The following ZFHX4 variants were observed in gnomAD, a reference collection of about 807,000 sequenced individuals.
ZFHX4 encodes the protein zinc finger homeobox 4, also known as zinc finger homeobox protein 4.
Under a neutral mutation model 267.6 loss-of-function variants are expected in ZFHX4, and 56 were observed. The observed-to-expected ratio is 0.21, with a 90% CI of 0.17 to 0.26. ZFHX4 has a LOEUF of 0.26. Ranked by LOEUF, ZFHX4 falls within the 10% of genes least tolerant of loss-of-function variation. The pLI, the probability that ZFHX4 is intolerant of heterozygous loss-of-function variation, is 1.00. For missense variants in ZFHX4, 4,332 were observed against 4,420.0 expected, an observed-to-expected ratio of 0.98 and a Z score of 0.56; for synonymous variants, 1,778 against 1,665.6, an observed-to-expected ratio of 1.07 and a Z score of -1.64.
At chr8:76,850,166 T>G in intron 8 of ZFHX4, 79 bp from the exon 9 acceptor site, 1 of 1,158,428 alleles carries the variant, frequency 8.6e-7, no homozygotes, top group Non-Finnish European at 1.2e-6. Flanking sequence ...AAGTGGGATA[T>G]GCTACCAGCA....
At chr8:76,822,635 G>T (rs573430872) in intron 4 of ZFHX4, among the ~76,000 whole-genome samples, 1 of 151,590 alleles carries the variant, frequency 6.6e-6, no homozygotes, top group Non-Finnish European at 1.5e-5. Context: ...TAGAGATGGG[G>T]TCTTACTGTC....
intron 1 of ZFHX4, among the ~76,000 whole-genome samples, chr8:76,699,547 C>A (rs913919288): frequency 6.6e-6 from 1 of 152,022 alleles, no homozygotes; most frequent in Admixed American, 6.6e-5. Context: ...TATTTACCTG[C>A]GTTATGATAT....
At chr8:76,743,793 C>T (rs1226587381) in intron 3 of ZFHX4, among the ~76,000 whole-genome samples, 3 of 152,174 alleles carry the variant, frequency 2.0e-5, no homozygotes, top group African/African-American at 7.2e-5. Context: ...AGTCTAGAGA[C>T]TCTTAATATT....
chr8:76,704,300 C>T lies in ZFHX4; in HGVS notation c.212C>T (p.Ala71Val). The change falls in exon 2 of 11, where the codon GCC becomes GTC. Residue 71 changes from alanine to valine, a missense_variant. By Grantham distance (64) the Ala-to-Val change is moderately conservative (BLOSUM62 0). Around this residue, in one of 7 missense-constraint regions of ZFHX4, gnomAD observed 1,195 missense variants for 1,173.6 expected, o/e 1.02. Coordinates refer to ENST00000651372, the MANE Select transcript of ZFHX4 (RefSeq NM_024721.5). The stretch of plus-strand genomic sequence containing the variant: ...GGTTTCAGCGTTGAGAATGCAGCTG[C>T]CACTCAGGTTACCTCAGCAAAGGAG... ...LLGFSVENAAATQVTSAKEIP... is the reference protein window; with the variant it reads ...LLGFSVENAAVTQVTSAKEIP... 1.2e-6 allele frequency: 2 copies of T among 1,613,978 alleles called. No homozygotes were observed. Among genetic ancestry groups the T allele is most frequent in the African/African-American group, 1.3e-5 (1 of 75,040 alleles).
chr8:76,687,395 G>C (rs1245132663), intron 1 of ZFHX4, among the ~76,000 whole-genome samples: 1 of 152,210 alleles, frequency 6.6e-6, no homozygotes, highest in Non-Finnish European at 1.5e-5. Context: ...TGTCATGGCT[G>C]TTCATTACCC....
At chr8:76,687,233 T>C (rs1452053411) in intron 1 of ZFHX4, among the ~76,000 whole-genome samples, 4 of 152,220 alleles carry the variant, frequency 2.6e-5, no homozygotes, top group Admixed American at 1.3e-4. Flanking sequence ...CCATGGAGAC[T>C]GGTTTAATTG....
chr8:76,783,136 T>G (rs1198609077), intron 4 of ZFHX4, among the ~76,000 whole-genome samples: 2 of 152,002 alleles, frequency 1.3e-5, no homozygotes, highest in Non-Finnish European at 2.9e-5. Flanking sequence ...TTTTCAAGGA[T>G]GTACATAAAT....
At chr8:76,857,351 ATT>A (rs1425786499) in intron 10 of ZFHX4, among the ~76,000 whole-genome samples, 8 of 82,546 alleles carry the variant, frequency 9.7e-5, no homozygotes, top group African/African-American at 1.7e-4. Context: ...GAATTCACTA[ATT>A]TTATATATAT....
intron 4 of ZFHX4, among the ~76,000 whole-genome samples, chr8:76,824,430 C>T (rs1241405370): frequency 6.6e-6 from 1 of 152,110 alleles, no homozygotes; most frequent in East Asian, 1.9e-4. Flanking sequence ...AAGTTTTTCT[C>T]TTACCAGAAG....
intron 3 of ZFHX4, among the ~76,000 whole-genome samples, chr8:76,767,491 A>G (rs1466410229): frequency 2.0e-5 from 3 of 152,144 alleles, no homozygotes; most frequent in Admixed American, 6.6e-5. Context: ...AAATTGCTGT[A>G]TGTGGGTATT....
In ZFHX4 at chr8:76,855,714, T is replaced by C; in HGVS notation, c.8793T>C (p.Arg2931=). ...SKSNDRPGHK[R]FRTQMSNLQL... ...GTAATGATCGGCCGGGTCACAAGCG[T>C]TTTCGAACGCAAATGAGCAATCTTC... Residue 2931 remains arginine (R), a synonymous_variant, in exon 10 of 11, where the codon CGT becomes CGC. Coordinates refer to ENST00000651372, the MANE Select transcript of ZFHX4 (RefSeq NM_024721.5). The C allele has an allele frequency of 6.2e-7, 1 of 1,613,848 alleles. No homozygotes were observed. Among genetic ancestry groups the C allele is most frequent in the Non-Finnish European group, 8.5e-7 (1 of 1,179,856 alleles).
At chr8:76,763,333 G>C (rs991362946) in intron 3 of ZFHX4, among the ~76,000 whole-genome samples, 1 of 152,142 alleles carries the variant, frequency 6.6e-6, no homozygotes, top group Non-Finnish European at 1.5e-5. Context: ...GGAAGGATAA[G>C]ATTAAGAAAG....
rs771819258 is a variant in ZFHX4, at chr8:76,705,216, G to A, written c.1128G>A (p.Pro376=). 2.5e-5 allele frequency: 40 copies of A among 1,613,816 alleles called. No homozygotes were observed. The highest frequency in any genetic ancestry group is 3.2e-5 in the Non-Finnish European group (38 of 1,179,900). The part of the protein sequence containing the change: ...AFHVENGDSL[P]AGFAFLKGSA... ...ATGTTGAAAATGGTGACTCTTTGCC[G>A]GCTGGCTTTGCCTTCTTAAAAGGAA... is the stretch of plus-strand genomic sequence containing the variant. The change falls in exon 2 of 11, where the codon CCG becomes CCA. Residue 376 remains proline (P), a synonymous_variant. Transcript: ENST00000651372.
intron 4 of ZFHX4, among the ~76,000 whole-genome samples, chr8:76,816,446 G>A (rs1811508004): frequency 6.6e-6 from 1 of 152,078 alleles, no homozygotes. Flanking sequence ...ATAGTGGGTG[G>A]ATGTTTTGTC....
At position 76,705,154 on chromosome 8, in the gene ZFHX4, C is replaced by T. The variant is rs374762945; in HGVS notation, c.1066C>T (p.Pro356Ser). ...TTTTTCTACTACAAACCTCATAGGA[C>T]CCGATCCAACCTTCCGCGGTTTATG... is the stretch of plus-strand genomic sequence containing the variant. ...PHFSTTNLIG[P>S]DPTFRGLWSA... Residue 356 changes from proline to serine, a missense_variant, in exon 2 of 11, where the codon CCC (proline) becomes TCC (serine). Coordinates refer to ENST00000651372, the MANE Select transcript of ZFHX4 (RefSeq NM_024721.5). 6.2e-7 allele frequency: 1 copy of T among 1,613,752 alleles called. No homozygotes were observed. The highest frequency in any genetic ancestry group is 1.3e-5 in the African/African-American group (1 of 74,912).
In ZFHX4 at chr8:76,853,704, T is replaced by C. The variant is rs1378273174; in HGVS notation, c.6783T>C (p.Thr2261=). Residue 2261 remains threonine (T), a synonymous_variant, in exon 10 of 11, where the codon ACT becomes ACC. Transcript: ENST00000651372. ...PKDDEIEQLS[T]VLNLPTRVIV... ...ATGATGAAATAGAACAACTCTCCAC[T>C]GTTCTCAATCTGCCTACCCGGGTTA... 6.2e-7 allele frequency: 1 copy of C among 1,613,642 alleles called. No homozygotes were observed. The highest frequency in any genetic ancestry group is 1.7e-5 in the Admixed American group (1 of 59,982).
intron 3 of ZFHX4, among the ~76,000 whole-genome samples, chr8:76,723,201 T>C (rs714928): frequency 0.052 from 7,879 of 152,136 alleles, 424 homozygotes; most frequent in East Asian, 0.24. Context: ...AAAATGAATG[T>C]GTAAAGTTTC....
chr8:76,700,484 GA>G (rs1308630466), intron 1 of ZFHX4, among the ~76,000 whole-genome samples: 2 of 152,148 alleles, frequency 1.3e-5, no homozygotes, highest in Non-Finnish European at 2.9e-5. Context: ...TCTGCTTTCT[GA>G]ATGCAAAGGA....
At chr8:76,701,773 C>A (rs555142915) in intron 1 of ZFHX4, among the ~76,000 whole-genome samples, 16 of 152,204 alleles carry the variant, frequency 1.1e-4, no homozygotes, top group South Asian at 4.1e-4. Context: ...TGTTGAGGAG[C>A]TTTCCTCACT....
Sources: gnomAD v4.1 joint callset for allele counts (sites outside exome capture counted in the v4.1 genomes callset) on GRCh38, gnomAD v4.1.1 for gene constraint, gnomAD v4.1.1 regional missense constraint, MANE v1.5 for transcripts, NCBI Gene and HGNC (gene_info 2026-07-23, HGNC 2026-07-21) for gene names.